Variants in RHBDD1 observed in about 807,000 individuals in gnomAD.
RHBDD1 encodes the protein rhomboid-related protein 4.
Under a neutral mutation model 36.3 loss-of-function variants are expected in RHBDD1, and 38 were observed. The ratio of observed to expected loss-of-function variants is 1.05; its 90% confidence interval spans 0.81 to 1.37. The LOEUF (loss-of-function observed/expected upper bound fraction) is 1.37. RHBDD1 is among the 40% of genes most tolerant of loss of function. The probability of loss-of-function intolerance (pLI) is 0.00; values close to 1 mark genes in which losing one functional copy is unlikely to be tolerated. For synonymous variants in RHBDD1, 151 were observed against 136.5 expected (o/e 1.11, Z -0.74); for missense variants, 393 against 377.6 (o/e 1.04, Z -0.34).
intron 8 of RHBDD1, among the ~76,000 whole-genome samples, chr2:226,935,638 T>A (rs1042079774): frequency 9.9e-5 from 15 of 152,040 alleles, no homozygotes; most frequent in East Asian, 3.9e-4. Context: ...AGTTTTATTT[T>A]TTTTTTTTAT....
chr2:226,866,635 A>G (rs1201248917), intron 4 of RHBDD1, among the ~76,000 whole-genome samples: 1 of 152,166 alleles, frequency 6.6e-6, no homozygotes, highest in Non-Finnish European at 1.5e-5. Flanking sequence ...CAGGATTTAA[A>G]TTAGGCGTTC....
At chr2:226,957,234 C>A (rs1013554689) in intron 8 of RHBDD1, among the ~76,000 whole-genome samples, 1 of 152,118 alleles carries the variant, frequency 6.6e-6, no homozygotes, top group African/African-American at 2.4e-5. Context: ...GGGTAACATG[C>A]AGGATCTGGT....
chr2:226,974,644 T>G (rs1035481127), intron 8 of RHBDD1, among the ~76,000 whole-genome samples: 8 of 152,220 alleles, frequency 5.3e-5, no homozygotes, highest in Admixed American at 1.3e-4. Flanking sequence ...TACATTCTTC[T>G]GGTTTGGTTC....
chr2:226,801,527 T>C, the RHBDD1 span, among the ~76,000 whole-genome samples: 1 of 152,186 alleles, frequency 6.6e-6, no homozygotes, highest in Non-Finnish European at 1.5e-5. Flanking sequence ...CCTCTCCCCT[T>C]CCTGTTCCCG....
At chr2:226,919,879 T>A (rs1949186363) in intron 8 of RHBDD1, among the ~76,000 whole-genome samples, 1 of 152,118 alleles carries the variant, frequency 6.6e-6, no homozygotes, top group Non-Finnish European at 1.5e-5. Context: ...GGTATTTTGA[T>A]AGGGGTTGCA....
intron 8 of RHBDD1, among the ~76,000 whole-genome samples, chr2:226,922,512 A>G (rs1949398403): frequency 6.6e-6 from 1 of 152,036 alleles, no homozygotes; most frequent in Admixed American, 6.6e-5. Flanking sequence ...CAGCCTCTAT[A>G]TGTATTTTCA....
At chr2:226,856,027 A>C (rs938588969) in intron 3 of RHBDD1, among the ~76,000 whole-genome samples, 2 of 152,218 alleles carry the variant, frequency 1.3e-5, no homozygotes, top group African/African-American at 4.8e-5. Flanking sequence ...ATTTATGTGC[A>C]ACTAGTCATC....
At chr2:226,860,535 C>T (rs575665816) in intron 3 of RHBDD1, among the ~76,000 whole-genome samples, 2 of 152,202 alleles carry the variant, frequency 1.3e-5, no homozygotes, top group East Asian at 1.9e-4. Flanking sequence ...TAGAGCCGTG[C>T]CTCCCTGGCC....
intron 3 of RHBDD1, among the ~76,000 whole-genome samples, chr2:226,844,692 C>A (rs1306470713): frequency 6.6e-6 from 1 of 152,138 alleles, no homozygotes; most frequent in Non-Finnish European, 1.5e-5. Context: ...ATTGCTGTTC[C>A]CTGTGTGCCT....
At chr2:226,954,828 G>C (rs1377398405) in intron 8 of RHBDD1, among the ~76,000 whole-genome samples, 1 of 152,064 alleles carries the variant, frequency 6.6e-6, no homozygotes, top group African/African-American at 2.4e-5. Context: ...TTAAGTTGAG[G>C]CCTAAAAGAA....
In RHBDD1 at chr2:226,984,694, A is replaced by G. The variant is rs561574247; in HGVS notation, c.857-10737A>G. On this transcript the variant is annotated intron_variant, in intron 8 of 8. Transcript: ENST00000392062. ...TAGAAATATTCTCCTGAAAGGAACC[A>G]CTGGTGCTGGAGACTTTTGCAGATT... is the stretch of plus-strand genomic sequence containing the variant. Among the ~76,000 whole-genome samples the G allele has an allele frequency of 5.2e-4, 79 of 152,254 alleles. 1 individual carries two copies. The highest frequency in any genetic ancestry group is 1.8e-3 in the African/African-American group (76 of 41,544).
chr2:226,880,809 T>G (rs1052928862), intron 5 of RHBDD1, among the ~76,000 whole-genome samples: 1 of 152,188 alleles, frequency 6.6e-6, no homozygotes, highest in East Asian at 1.9e-4. Context: ...TTGAATTACA[T>G]AAATAAGCCG....
chr2:226,808,884 T>C, the RHBDD1 span, among the ~76,000 whole-genome samples: 1 of 151,170 alleles, frequency 6.6e-6, no homozygotes, highest in African/African-American at 2.4e-5. Context: ...AAAAAACTTG[T>C]AGTCATTGTT....
Position 226,865,059 on chromosome 2 carries a change from G to A in RHBDD1, c.366G>A (p.Leu122=). 1 of 1,614,150 alleles carries A rather than the reference G, an allele frequency of 6.2e-7. No homozygotes were observed. Among genetic ancestry groups the A allele is most frequent in the Non-Finnish European group, 8.5e-7 (1 of 1,180,036 alleles). ...SVLTGVVYLL[L]QFAVAEFMDE... is the part of the protein sequence containing the mutation. ...TTACTGGAGTGGTATACCTGCTCTT[G>A]CAATTTGCTGTTGCCGAATTTATGG... The change falls in exon 4 of 9, where the codon TTG becomes TTA. Residue 122 remains leucine, a synonymous_variant. Transcript: ENST00000392062.
chr2:226,863,973 T>C lies in RHBDD1; in HGVS notation c.-90-631T>C, dbSNP rs150813414. ...TAGAACATTATGTGGCCACTGTTGG[T>C]TTATTTCTTGGTGGAAAGTGAGCCT... On this transcript the variant is annotated intron_variant, in intron 3 of 8. Transcript: ENST00000392062. Among the ~76,000 whole-genome samples, 562 of 152,212 alleles carry C rather than the reference T, an allele frequency of 3.7e-3. 4 individuals carry two copies. The highest frequency in any genetic ancestry group is 3.4e-3 in the Middle Eastern group (1 of 294).
chr2:226,944,864 T>C (rs1183604554), intron 8 of RHBDD1, among the ~76,000 whole-genome samples: 1 of 152,160 alleles, frequency 6.6e-6, no homozygotes, highest in Non-Finnish European at 1.5e-5. Flanking sequence ...ATTGATGGAT[T>C]TTTGTTTCCC....
At chr2:226,988,651 A>G (rs1278628338) in intron 8 of RHBDD1, 3 of 985,310 alleles carry the variant, frequency 3.0e-6, no homozygotes, top group East Asian at 2.3e-4. Context: ...TCTGAGAGGA[A>G]GGTAGGATTT....
At chr2:226,951,392 C>T (rs1951418277) in intron 8 of RHBDD1, among the ~76,000 whole-genome samples, 2 of 152,128 alleles carry the variant, frequency 1.3e-5, no homozygotes, top group East Asian at 3.8e-4. Flanking sequence ...GTTTAGTTAA[C>T]TCATATTTTT....
intron 3 of RHBDD1, among the ~76,000 whole-genome samples, chr2:226,860,245 T>A (rs1943723756): frequency 6.6e-6 from 1 of 151,990 alleles, no homozygotes; most frequent in Non-Finnish European, 1.5e-5. Context: ...GGAGGGTGTG[T>A]TTGTAAGGTA....
Sources: allele counts gnomAD v4.1 joint callset (sites outside exome capture counted in the v4.1 genomes callset), GRCh38; gene constraint gnomAD v4.1.1; transcripts MANE v1.5; gene names NCBI Gene and HGNC (gene_info 2026-07-23, HGNC 2026-07-21).